RBM47: variants seen among roughly 807,000 people sequenced by gnomAD.
RBM47 encodes the protein RNA binding motif protein 47, also known as RNA-binding protein 47.
A neutral mutation model predicts 47.1 loss-of-function variants in RBM47; 21 were observed. That is an observed-to-expected ratio of 0.45 (90% CI 0.32 to 0.64). The LOEUF (loss-of-function observed/expected upper bound fraction) is 0.64. Among genes scored for constraint, RBM47 ranks in the 30% least tolerant of loss-of-function variants. The pLI is 0.05. For missense variants in RBM47, 708 were observed against 870.9 expected (o/e 0.81, Z 2.35); for synonymous variants, 375 against 361.7 (o/e 1.04, Z -0.42).
chr4:40,546,380 C>T (rs952998766), intron 1 of RBM47, among the ~76,000 whole-genome samples: 7 of 152,072 alleles, frequency 4.6e-5, no homozygotes, highest in Admixed American at 1.3e-4. Flanking sequence ...GAACTCCTGA[C>T]CTCATGTGAT....
intron 1 of RBM47, among the ~76,000 whole-genome samples, chr4:40,616,969 A>C (rs1333535367): frequency 7.1e-6 from 1 of 140,202 alleles, no homozygotes; most frequent in African/African-American, 2.7e-5. Context: ...TCCGCCTCCC[A>C]GATTCAAGCA....
At chr4:40,445,198 C>T (rs923319057) in intron 3 of RBM47, among the ~76,000 whole-genome samples, 30 of 150,504 alleles carry the variant, frequency 2.0e-4, no homozygotes, top group Middle Eastern at 3.5e-3. Context: ...GGCGTGAGCC[C>T]GAGAGTCGGA....
intron 3 of RBM47, among the ~76,000 whole-genome samples, chr4:40,444,763 C>G (rs1439690797): frequency 6.6e-6 from 1 of 151,464 alleles, no homozygotes; most frequent in Non-Finnish European, 1.5e-5. Context: ...CTCCAGGATT[C>G]AAGCGATTTA....
At chr4:40,511,010 T>C (rs1482057269) in intron 2 of RBM47, among the ~76,000 whole-genome samples, 2 of 152,214 alleles carry the variant, frequency 1.3e-5, no homozygotes, top group Admixed American at 6.5e-5. Context: ...CTTAAGATCT[T>C]GAGTTGCTAG....
At chr4:40,470,439 T>C (rs1718686065) in intron 2 of RBM47, among the ~76,000 whole-genome samples, 1 of 152,230 alleles carries the variant, frequency 6.6e-6, no homozygotes, top group African/African-American at 2.4e-5. Context: ...CAAGCATTTA[T>C]TGGATGCTTC....
At position 40,425,910 on chromosome 4, in the gene RBM47, T is replaced by C. The variant is rs922945724; in HGVS notation, c.1776A>G (p.Thr592=). The C allele has an allele frequency of 2.8e-5, 45 of 1,614,060 alleles. No individual in the cohort carries two copies. The highest frequency in any genetic ancestry group is 3.4e-5 in the Non-Finnish European group (40 of 1,180,020). The change falls in exon 7 of 7, where the codon ACA becomes ACG. Residue 592 remains threonine, a synonymous_variant. Coordinates refer to ENST00000295971, the MANE Select transcript of RBM47 (RefSeq NM_001098634.2). ...TTCGTGCTGGTCACCAGCCTCAGTA[T>C]GTCTGGTAGACGTCGGGGATGGGGA... The part of the protein sequence containing the change: ...IQVPIPDVYQ[T]Y
intron 1 of RBM47, among the ~76,000 whole-genome samples, chr4:40,554,847 C>T (rs1297680763): frequency 1.3e-5 from 2 of 151,694 alleles, no homozygotes; most frequent in African/African-American, 4.8e-5. Flanking sequence ...CTGCAACCTC[C>T]ACCTCCAGGG....
chr4:40,546,154 AC>A (rs1432582015), intron 1 of RBM47, among the ~76,000 whole-genome samples: 3 of 151,742 alleles, frequency 2.0e-5, no homozygotes, highest in African/African-American at 7.3e-5. Flanking sequence ...TTAAGTAAAT[AC>A]TTTTTTTTTT....
At chr4:40,541,990 A>G (rs1429351143) in intron 2 of RBM47, among the ~76,000 whole-genome samples, 2 of 152,152 alleles carry the variant, frequency 1.3e-5, no homozygotes, top group Non-Finnish European at 2.9e-5. Context: ...ATGTGGACAC[A>G]TTGTCTGTGA....
At chr4:40,550,126 G>A (rs967508077) in intron 1 of RBM47, among the ~76,000 whole-genome samples, 3 of 152,186 alleles carry the variant, frequency 2.0e-5, no homozygotes, top group Non-Finnish European at 2.9e-5. Context: ...GTCTTGGAAC[G>A]AAGCTGGGTT....
intron 1 of RBM47, among the ~76,000 whole-genome samples, chr4:40,573,152 CAAAA>C (rs369450436): frequency 1.6e-5 from 1 of 63,890 alleles, no homozygotes; most frequent in Non-Finnish European, 3.7e-5. Context: ...GACTTCATCT[CAAAA>C]AAAAAAAAAA....
At chr4:40,433,526 A>G (rs1711704431) in intron 5 of RBM47, among the ~76,000 whole-genome samples, 1 of 152,184 alleles carries the variant, frequency 6.6e-6, no homozygotes, top group Admixed American at 6.5e-5. Context: ...CTATGGGAAA[A>G]CAGGCTTAGA....
rs1226767510 is a variant in RBM47, at chr4:40,432,700, G to C, written c.1493C>G (p.Ala498Gly). 3.1e-5 allele frequency: 50 copies of C among 1,591,632 alleles called. No homozygotes were observed. The highest frequency in any genetic ancestry group is 4.2e-5 in the Non-Finnish European group (49 of 1,165,440). The change falls in exon 6 of 7, where the codon GCC becomes GGC. Residue 498 changes from alanine (A) to glycine (G), a missense_variant. Ala to Gly is a moderately conservative substitution (Grantham distance 60). Coordinates refer to ENST00000295971, the MANE Select transcript of RBM47 (RefSeq NM_001098634.2). ...AGTGGGAATGACAGCGGCTGCGGCG[G>C]CTGCGGCCGCGGCTGCGGCGGCAGC... ...SAAAAAAAAAAAAAAVIPTVS... is the reference protein window; with the variant it reads ...SAAAAAAAAAGAAAAVIPTVS...
intron 1 of RBM47, among the ~76,000 whole-genome samples, chr4:40,582,477 T>C (rs543276850): frequency 9.9e-5 from 15 of 152,138 alleles, no homozygotes; most frequent in Non-Finnish European, 2.1e-4. Flanking sequence ...GAGGGTGCAG[T>C]GAGCCGAGAT....
intron 1 of RBM47, among the ~76,000 whole-genome samples, chr4:40,582,787 T>A (rs973107833): frequency 2.6e-5 from 4 of 152,130 alleles, no homozygotes; most frequent in African/African-American, 9.7e-5. Flanking sequence ...CAACGCCTAG[T>A]CAGTCATCAA....
chr4:40,473,938 A>G (rs1030314395), intron 2 of RBM47, among the ~76,000 whole-genome samples: 4 of 152,214 alleles, frequency 2.6e-5, no homozygotes, highest in African/African-American at 9.7e-5. Context: ...TTTACATATG[A>G]TTCACAGATG....
chr4:40,541,135 A>G (rs1728495590), intron 2 of RBM47, among the ~76,000 whole-genome samples: 2 of 146,580 alleles, frequency 1.4e-5, no homozygotes, highest in South Asian at 4.2e-4. Flanking sequence ...TAAAAAATTA[A>G]AAATTAGCTG....
intron 1 of RBM47, among the ~76,000 whole-genome samples, chr4:40,561,168 T>C (rs886353338): frequency 1.5e-4 from 23 of 151,206 alleles, no homozygotes; most frequent in African/African-American, 5.6e-4. Flanking sequence ...TATTATAAAG[T>C]GCCCAAGAGG....
At chr4:40,546,781 C>T (rs1419677295) in intron 1 of RBM47, among the ~76,000 whole-genome samples, 1 of 152,194 alleles carries the variant, frequency 6.6e-6, no homozygotes, top group Non-Finnish European at 1.5e-5. Flanking sequence ...AATAAAGGAC[C>T]TGGCTGTTTG....
Sources: allele counts gnomAD v4.1 joint callset (sites outside exome capture counted in the v4.1 genomes callset), GRCh38; gene constraint gnomAD v4.1.1; transcripts MANE v1.5; gene names NCBI Gene and HGNC (gene_info 2026-07-23, HGNC 2026-07-21).